Variants in RGS3 observed in about 807,000 individuals in gnomAD.
RGS3 encodes the protein regulator of G-protein signalling 3.
RGS3 carries 80 observed loss-of-function variants against 132.6 expected under a neutral mutation model. That is an observed-to-expected ratio of 0.60 (90% CI 0.50 to 0.73). The LOEUF (loss-of-function observed/expected upper bound fraction) is 0.73. Ranked by LOEUF, RGS3 falls within the 30% of genes least tolerant of loss-of-function variation. The pLI, the probability that RGS3 is intolerant of heterozygous loss-of-function variation, is 0.00. For synonymous variants in RGS3, 598 were observed against 620.6 expected (o/e 0.96, Z 0.54); for missense variants, 1,382 against 1,530.8 (o/e 0.90, Z 1.62).
rs529833463 is a variant in RGS3 at position 113,541,588 on chromosome 9, A to G, written c.2037+4670A>G. The stretch of plus-strand genomic sequence containing the variant: ...GGTCCCAAGGGTGCATGTGGATGTC[A>G]ACAGAAGGACCACAATGGTGTGAGA... On this transcript the variant is annotated intron_variant, in intron 19 of 24. Coordinates refer to ENST00000350696, the Ensembl canonical transcript of RGS3. 1,111 of 1,355,472 alleles carry G rather than the reference A, an allele frequency of 8.2e-4. 1 individual carries two copies. The highest frequency in any genetic ancestry group is 5.7e-3 in the Middle Eastern group (29 of 5,074). 84.0% of individuals were successfully genotyped at this position (1,355,472 alleles called of 1,614,324 possible).
intron 17 of RGS3, among the ~76,000 whole-genome samples, chr9:113,527,249 C>T (rs576913452): frequency 1.3e-5 from 2 of 152,236 alleles, no homozygotes; most frequent in Non-Finnish European, 2.9e-5. Context: ...TATTTCCCTG[C>T]AGCTCTCATC....
intron 11 of RGS3, among the ~76,000 whole-genome samples, chr9:113,505,725 A>G (rs1343974045): frequency 6.6e-6 from 1 of 152,144 alleles, no homozygotes; most frequent in Non-Finnish European, 1.5e-5. Flanking sequence ...TGTTGTTTTT[A>G]TCAAAATGAA....
chr9:113,574,724 G>A (rs1834433262), intron 19 of RGS3, among the ~76,000 whole-genome samples: 1 of 152,202 alleles, frequency 6.6e-6, no homozygotes, highest in Non-Finnish European at 1.5e-5. Context: ...GAGGGATAGA[G>A]AGCTTAGGGA....
intron 1 of RGS3, among the ~76,000 whole-genome samples, chr9:113,449,827 C>T (rs1263469017): frequency 1.3e-5 from 2 of 151,550 alleles, no homozygotes; most frequent in African/African-American, 4.9e-5. Flanking sequence ...ACTGCAACCT[C>T]TGCCTCCCAG....
chr9:113,534,041 T>G (rs1832579986), intron 18 of RGS3, among the ~76,000 whole-genome samples: 1 of 152,232 alleles, frequency 6.6e-6, no homozygotes, highest in Admixed American at 6.5e-5. Flanking sequence ...TGAGCACTTT[T>G]GGGCCTGAGA....
intron 19 of RGS3, among the ~76,000 whole-genome samples, chr9:113,571,882 G>A (rs1834307446): frequency 6.6e-6 from 1 of 152,174 alleles, no homozygotes; most frequent in Non-Finnish European, 1.5e-5. Flanking sequence ...TTTTATCCAT[G>A]TATGAAGTAG....
At position 113,463,719 on chromosome 9, in the gene RGS3, C is replaced by A; in HGVS notation, c.415+1518C>A. The A allele has an allele frequency of 6.8e-7, 1 of 1,477,616 alleles. No individual in the cohort carries two copies. The highest frequency in any genetic ancestry group is 9.0e-7 in the Non-Finnish European group (1 of 1,114,592). The allele number at this position is 1,477,616 out of a possible 1,614,324, so 91.5% of individuals were successfully genotyped here. ...AGCCCTACCTCCCGCTCGCGCTCCT[C>A]CCGCCCTGGAGACTCCGGTTACTGG... is the stretch of plus-strand genomic sequence containing the variant. On this transcript the variant is annotated intron_variant, in intron 3 of 24. Transcript: ENST00000350696. This position sits in a 1 kb window ranked among gnomAD's most constrained non-coding sequence, Gnocchi z 4.6.
chr9:113,512,934 T>C (rs1470141230), intron 14 of RGS3, among the ~76,000 whole-genome samples: 1 of 152,186 alleles, frequency 6.6e-6, no homozygotes, highest in Non-Finnish European at 1.5e-5. Context: ...TGGTGGCTCA[T>C]GCCTGTAATC....
rs536156272 is a variant in RGS3, at chr9:113,479,549, C to G, written c.466+8C>G. The G allele has an allele frequency of 1.9e-6, 3 of 1,613,912 alleles. No individual in the cohort carries two copies. Among genetic ancestry groups the G allele is most frequent in the Non-Finnish European group, 8.5e-7 (1 of 1,179,870 alleles). On this transcript the variant is annotated splice_region_variant and intron_variant, in intron 4 of 24. Coordinates refer to ENST00000350696, the Ensembl canonical transcript of RGS3. ...GGGTTCTGCTGCTTCACAGTGAGTA[C>G]GGCTTTGTGCAGGCTCACCAAGGAA...
intron 3 of RGS3, among the ~76,000 whole-genome samples, chr9:113,476,192 C>T (rs138849344): frequency 1.6e-4 from 24 of 152,286 alleles, no homozygotes; most frequent in South Asian, 4.1e-4. Context: ...TGTTGGCAAA[C>T]GCAGTGGGCA....
chr9:113,451,901 G>T (rs1247645347), intron 1 of RGS3, among the ~76,000 whole-genome samples: 3 of 152,004 alleles, frequency 2.0e-5, no homozygotes, highest in Non-Finnish European at 4.4e-5. Context: ...GATGAATTCA[G>T]TCAGCTTTTG....
At chr9:113,550,249 G>C (rs1396298022) in intron 19 of RGS3, among the ~76,000 whole-genome samples, 3 of 152,194 alleles carry the variant, frequency 2.0e-5, no homozygotes, top group African/African-American at 7.2e-5. Context: ...TGTAGTCCCA[G>C]CTACTGGGGA....
In RGS3 at chr9:113,579,570, GT is replaced by G. The variant is rs1834691450; in HGVS notation, c.2038-3879del. Among the ~76,000 whole-genome samples, 1 of 152,204 alleles carries G rather than the reference GT, an allele frequency of 6.6e-6. No homozygotes were observed. Among genetic ancestry groups the G allele is most frequent in the African/African-American group, 2.4e-5 (1 of 41,442 alleles). On this transcript the variant is annotated intron_variant, in intron 19 of 24. Coordinates refer to ENST00000350696, the Ensembl canonical transcript of RGS3. The surrounding 1 kb of genome is among the most constrained non-coding windows in gnomAD (Gnocchi z 4.3). Reference sequence around the variant, plus strand: ...CAGCACTCTAGACCCAAGGCCCTGGGTGAGCAAGCTGGTCTTCCTGGGGCGC... The same window carrying G: ...CAGCACTCTAGACCCAAGGCCCTGGGGAGCAAGCTGGTCTTCCTGGGGCGC...
intron 18 of RGS3, among the ~76,000 whole-genome samples, chr9:113,533,629 G>C (rs970133526): frequency 6.6e-6 from 1 of 152,258 alleles, no homozygotes; most frequent in African/African-American, 2.4e-5. Context: ...TGGAGGCCCA[G>C]GGAGATTAAG....
At chr9:113,584,094 G>C in exon 20 of RGS3, 1 of 1,614,238 alleles carries the variant, frequency 6.2e-7, no homozygotes, top group Admixed American at 1.7e-5. Flanking sequence ...GGGAGGAAGG[G>C]GAGGAGGACG....
intron 19 of RGS3, among the ~76,000 whole-genome samples, chr9:113,558,743 G>A (rs1833669681): frequency 6.6e-6 from 1 of 152,214 alleles, no homozygotes; most frequent in South Asian, 2.1e-4. Flanking sequence ...TTATTATGCA[G>A]GCTTGAGAAC....
At chr9:113,472,320 CAT>C (rs559031623) in intron 3 of RGS3, among the ~76,000 whole-genome samples, 55 of 152,272 alleles carry the variant, frequency 3.6e-4, no homozygotes, top group Admixed American at 1.4e-3. Flanking sequence ...TACACACACA[CAT>C]GTTCATAACG....
At chr9:113,532,708 G>A (rs903245550) in intron 18 of RGS3, among the ~76,000 whole-genome samples, 1 of 152,234 alleles carries the variant, frequency 6.6e-6, no homozygotes, top group Admixed American at 6.5e-5. Flanking sequence ...AAGGGGCTTA[G>A]CACTGTGCAG....
intron 3 of RGS3, among the ~76,000 whole-genome samples, chr9:113,464,414 T>C (rs1342271621): frequency 6.6e-6 from 1 of 152,220 alleles, no homozygotes; most frequent in East Asian, 1.9e-4. Context: ...GTCCCAGGGC[T>C]GCCTCAGGGT....
Sources: allele counts gnomAD v4.1 joint callset (sites outside exome capture counted in the v4.1 genomes callset), GRCh38; gene constraint gnomAD v4.1.1; non-coding constraint Gnocchi (gnomAD v3.1); transcripts MANE v1.5; gene names NCBI Gene and HGNC (gene_info 2026-07-23, HGNC 2026-07-21).